COTL1: variants seen among roughly 807,000 people sequenced by gnomAD.
COTL1 encodes the protein coactosin like F-actin binding protein 1.
A neutral mutation model predicts 16.5 loss-of-function variants in COTL1; 15 were observed. The observed-to-expected ratio is 0.91, with a 90% CI of 0.61 to 1.40. The LOEUF (loss-of-function observed/expected upper bound fraction) is 1.40, where lower values mean the gene tolerates loss of function less well. COTL1 is among the 40% of genes most tolerant of loss of function. The pLI is 0.00. For synonymous variants in COTL1, 112 were observed against 85.3 expected, an observed-to-expected ratio of 1.31 and a Z score of -1.73; for missense variants, 220 against 201.5, an observed-to-expected ratio of 1.09 and a Z score of -0.56.
intron 2 of COTL1, among the ~76,000 whole-genome samples, chr16:84,598,909 G>A (rs1234877149): frequency 2.0e-5 from 3 of 151,664 alleles, no homozygotes; most frequent in Non-Finnish European, 2.9e-5. Flanking sequence ...TGGGGATGTG[G>A]GAGAAAACCC....
rs748052311 is a variant in COTL1, at chr16:84,617,847, G to T, written c.68C>A (p.Ala23Asp). 1 of 1,573,042 alleles carries T rather than the reference G, an allele frequency of 6.4e-7. No individual in the cohort carries two copies. The highest frequency in any genetic ancestry group is 1.9e-5 in the Admixed American group (1 of 52,942). ...AYNLVRDDGS[A>D]VIWVTFKYDG... is the part of the protein sequence containing the mutation. ...AATGAAAAGTTCCTACCAGATGACG[G>T]CCGAGCCGTCGTCGCGCACCAGGTT... The change falls in exon 1 of 4, where the codon GCC becomes GAC. Residue 23 changes from alanine (A) to aspartate (D), a missense_variant. Ala to Asp is a moderately radical substitution (Grantham distance 126). Transcript: ENST00000262428.
chr16:84,572,025 G>T (rs1185705436), intron 3 of COTL1, among the ~76,000 whole-genome samples: 1 of 152,234 alleles, frequency 6.6e-6, no homozygotes, highest in African/African-American at 2.4e-5. Context: ...TCTAACCTGA[G>T]CCTCAGCCTA....
At chr16:84,592,163 G>T (rs373568169) in intron 2 of COTL1, among the ~76,000 whole-genome samples, 1 of 152,226 alleles carries the variant, frequency 6.6e-6, no homozygotes, top group Non-Finnish European at 1.5e-5. Context: ...GCTGTAAACC[G>T]TTGGTGTCCC....
At chr16:84,594,997 G>C (rs1314686263) in intron 2 of COTL1, 1 of 152,238 alleles carries the variant, frequency 6.6e-6, no homozygotes, top group Non-Finnish European at 1.5e-5. Context: ...CCCTCTTTCA[G>C]ACCTCCCCAG....
intron 2 of COTL1, among the ~76,000 whole-genome samples, chr16:84,610,252 A>C (rs1004836744): frequency 6.6e-6 from 1 of 152,206 alleles, no homozygotes; most frequent in Non-Finnish European, 1.5e-5. Flanking sequence ...GGACTCTTTT[A>C]GATGGAAACT....
intron 2 of COTL1, among the ~76,000 whole-genome samples, chr16:84,610,941 C>A (rs1406723690): frequency 6.6e-6 from 1 of 152,184 alleles, no homozygotes; most frequent in Admixed American, 6.5e-5. Flanking sequence ...TTTATTTCAA[C>A]CTATCCATTG....
chr16:84,594,675 G>A (rs1050619866), intron 2 of COTL1: 11 of 152,240 alleles, frequency 7.2e-5, no homozygotes, highest in Non-Finnish European at 1.6e-4. Context: ...TTTCCACATT[G>A]GTCAGCCCGG....
At chr16:84,599,632 A>C (rs1452471957) in intron 2 of COTL1, among the ~76,000 whole-genome samples, 1 of 152,216 alleles carries the variant, frequency 6.6e-6, no homozygotes, top group Non-Finnish European at 1.5e-5. Flanking sequence ...TGAACTTTAG[A>C]GCAAGGCCAA....
chr16:84,574,221 C>G (rs758599800), intron 3 of COTL1, among the ~76,000 whole-genome samples: 15 of 152,192 alleles, frequency 9.9e-5, no homozygotes, highest in Non-Finnish European at 1.8e-4. Flanking sequence ...TCCCAGGGGA[C>G]ACAGCAACTT....
intron 3 of COTL1, among the ~76,000 whole-genome samples, chr16:84,573,764 T>C (rs1197410935): frequency 2.5e-5 from 2 of 80,040 alleles, no homozygotes; most frequent in Non-Finnish European, 5.5e-5. Context: ...TATATATATA[T>C]ACATACACAC....
intron 2 of COTL1, chr16:84,616,531 A>ATAAATAAATAAATAAATAAATAAATAAG (rs1567542537): frequency 5.3e-5 from 8 of 151,802 alleles, no homozygotes; most frequent in African/African-American, 1.7e-4. Flanking sequence ...AAATAAATAA[A>ATAAATAAATAAATAAATAAATAAATAAG]TAAGTAACCC....
At position 84,617,853 on chromosome 16, in the gene COTL1, C is replaced by T; in HGVS notation, c.62G>A (p.Gly21Asp). The T allele has an allele frequency of 6.3e-7, 1 of 1,575,174 alleles. No homozygotes were observed. Among genetic ancestry groups the T allele is most frequent in the South Asian group, 1.2e-5 (1 of 86,366 alleles). The change falls in exon 1 of 4, where the codon GGC (glycine) becomes GAC (aspartate). Residue 21 changes from glycine (G) to aspartate (D), a missense_variant. By Grantham distance (94) the Gly-to-Asp change is moderately conservative. Transcript: ENST00000262428. ...AAGTTCCTACCAGATGACGGCCGAG[C>T]CGTCGTCGCGCACCAGGTTGTACGC... ...RAAYNLVRDD[G>D]SAVIWVTFKY...
chr16:84,615,743 C>G (rs1388564987), intron 2 of COTL1, among the ~76,000 whole-genome samples: 1 of 152,188 alleles, frequency 6.6e-6, no homozygotes, highest in East Asian at 1.9e-4. Context: ...AAATCCTGCC[C>G]TGCCAACTCT....
At chr16:84,599,059 T>C (rs1435990691) in intron 2 of COTL1, among the ~76,000 whole-genome samples, 1 of 151,872 alleles carries the variant, frequency 6.6e-6, no homozygotes, top group African/African-American at 2.4e-5. Context: ...TGGTCCCCAC[T>C]AAGCTCTGAA....
intron 3 of COTL1, among the ~76,000 whole-genome samples, chr16:84,572,809 C>T (rs751310000): frequency 1.3e-5 from 2 of 152,028 alleles, no homozygotes; most frequent in Non-Finnish European, 2.9e-5. Context: ...CTGGAGGGCA[C>T]TGGTGCAATC....
intron 2 of COTL1, among the ~76,000 whole-genome samples, chr16:84,602,490 T>A (rs1260720030): frequency 6.6e-6 from 1 of 151,928 alleles, no homozygotes; most frequent in East Asian, 1.9e-4. Flanking sequence ...CAGGAATGAA[T>A]AGACAGGCAG....
At position 84,617,509 on chromosome 16, in the gene COTL1, T is replaced by A. The variant is rs958141751; in HGVS notation, c.152A>T (p.Gln51Leu). 2 of 1,551,444 alleles carry A rather than the reference T, an allele frequency of 1.3e-6. No individual in the cohort carries two copies. Among genetic ancestry groups the A allele is most frequent in the Non-Finnish European group, 1.7e-6 (2 of 1,146,714 alleles). Residue 51 changes from glutamine to leucine, a missense_variant, in exon 2 of 4, where the codon CAG becomes CTG. Transcript: ENST00000262428. ...CAGGCGCGCCTCCCTACCTGTGCAC[T>A]GCTGGATGAAGTGCTGGTACTCCGC... is the stretch of plus-strand genomic sequence containing the variant. ...QGAEYQHFIQ[Q>L]CTDDVRLFAF...
At chr16:84,572,048 C>A (rs2925052) in intron 3 of COTL1, among the ~76,000 whole-genome samples, 120,053 of 152,236 alleles carry the variant, frequency 0.79, 47,701 homozygotes, top group South Asian at 0.89. Flanking sequence ...AACCAACTGA[C>A]AACAACCTCC....
intron 2 of COTL1, among the ~76,000 whole-genome samples, chr16:84,602,656 ACCAGCCTGGCCAAC>A (rs1372641062): frequency 3.3e-5 from 5 of 152,122 alleles, no homozygotes; most frequent in Non-Finnish European, 5.9e-5. Flanking sequence ...GGAATTCGAG[ACCAGCCTGGCCAAC>A]CCGGCAAAAC....
Sources: allele counts gnomAD v4.1 joint callset (sites outside exome capture counted in the v4.1 genomes callset), GRCh38; gene constraint gnomAD v4.1.1; transcripts MANE v1.5; gene names NCBI Gene and HGNC (gene_info 2026-07-23, HGNC 2026-07-21).